The following CFAP20DC variants were observed in gnomAD, a reference collection of about 807,000 sequenced individuals.
The protein encoded by CFAP20DC is CFAP20 domain containing, also known as protein CFAP20DC.
CFAP20DC carries 84 observed loss-of-function variants against 101.7 expected under a neutral mutation model. The observed-to-expected ratio is 0.83, with a 90% CI of 0.69 to 0.99. The LOEUF is 0.99. CFAP20DC is among the 50% of genes least tolerant of loss of function. The probability of loss-of-function intolerance (pLI) is 0.00; values close to 1 mark genes in which losing one functional copy is unlikely to be tolerated. For missense variants in CFAP20DC, 1,007 were observed against 970.3 expected (o/e 1.04, Z -0.50); for synonymous variants, 359 against 351.2 (o/e 1.02, Z -0.25).
intron 15 of CFAP20DC, 82 bp downstream of exon 15, chr3:58,806,313 A>G: frequency 1.0e-6 from 1 of 964,772 alleles, no homozygotes; most frequent in East Asian, 2.5e-5. Flanking sequence ...TTTGGAAAAC[A>G]ATTTCAGAAA....
intron 14 of CFAP20DC, among the ~76,000 whole-genome samples, chr3:58,822,936 G>T (rs557234073): frequency 6.6e-6 from 1 of 152,204 alleles, no homozygotes; most frequent in Admixed American, 6.5e-5. Flanking sequence ...CCTGAAGAAA[G>T]GAACATCCTT....
At chr3:58,857,309 C>T (rs1487456455) in intron 12 of CFAP20DC, among the ~76,000 whole-genome samples, 18 of 152,110 alleles carry the variant, frequency 1.2e-4, no homozygotes, top group African/African-American at 4.3e-4. Flanking sequence ...ATTTTTCCAC[C>T]TGTGATGGGT....
intron 4 of CFAP20DC, among the ~76,000 whole-genome samples, 198 bp from the exon 5 acceptor site, chr3:58,937,960 AT>A (rs1484437854): frequency 6.6e-6 from 1 of 152,236 alleles, no homozygotes; most frequent in Non-Finnish European, 1.5e-5. Context: ...AGAAGCCTGA[AT>A]GTATAAATTC....
At chr3:58,752,864 T>C (rs190860065) in intron 16 of CFAP20DC, among the ~76,000 whole-genome samples, 2 of 152,318 alleles carry the variant, frequency 1.3e-5, no homozygotes, top group African/African-American at 4.8e-5. Flanking sequence ...CCTGGCACTT[T>C]TGTTGGAGCA....
intron 15 of CFAP20DC, among the ~76,000 whole-genome samples, chr3:58,790,612 A>G (rs1015665529): frequency 6.6e-6 from 1 of 152,178 alleles, no homozygotes; most frequent in Non-Finnish European, 1.5e-5. Context: ...CAGGAGAAAG[A>G]TGGTGATTTT....
intron 4 of CFAP20DC, among the ~76,000 whole-genome samples, chr3:59,008,421 C>T (rs1486262339): frequency 6.6e-6 from 1 of 152,184 alleles, no homozygotes; most frequent in East Asian, 1.9e-4. Context: ...CCTGCCTTCA[C>T]CACAACTGGT....
chr3:58,997,717 G>T (rs2093179025), intron 4 of CFAP20DC, among the ~76,000 whole-genome samples: 1 of 152,180 alleles, frequency 6.6e-6, no homozygotes, highest in African/African-American at 2.4e-5. Context: ...TTATTTTAAG[G>T]ACCTCTAAGC....
chr3:59,039,442 G>T, intron 4 of CFAP20DC, 115 bp downstream of exon 4: 1 of 626,036 alleles, frequency 1.6e-6, no homozygotes, highest in Non-Finnish European at 2.8e-6. Context: ...CTTGATGTAA[G>T]TCACTGCTCT....
rs2093437606 is a variant in CFAP20DC, at chr3:59,006,512, T to C, written c.278+33045A>G. ...TCCCAAAGTGTGAGGTGGGGAATCC[T>C]GCCTCTGAACACACATCCCCACTGG... On this transcript the variant is annotated intron_variant, in intron 4 of 16. Coordinates refer to ENST00000482387, the MANE Select transcript of CFAP20DC (RefSeq NM_001394063.1). This position sits in a 1 kb window ranked among gnomAD's most constrained non-coding sequence, Gnocchi z 4.3. Among the ~76,000 whole-genome samples, 1 of 152,252 alleles carries C rather than the reference T, an allele frequency of 6.6e-6. No homozygotes were observed. The highest frequency in any genetic ancestry group is 1.5e-5 in the Non-Finnish European group (1 of 68,048).
At chr3:58,749,676 A>T (rs1187348537) in intron 16 of CFAP20DC, among the ~76,000 whole-genome samples, 1 of 151,992 alleles carries the variant, frequency 6.6e-6, no homozygotes, top group Non-Finnish European at 1.5e-5. Context: ...ATCTATGTAA[A>T]CTACAAGACA....
At chr3:58,752,109 T>A (rs2068616389) in intron 16 of CFAP20DC, among the ~76,000 whole-genome samples, 1 of 152,176 alleles carries the variant, frequency 6.6e-6, no homozygotes, top group African/African-American at 2.4e-5. Context: ...GTATGGACTG[T>A]CTTATGCTGC....
intron 4 of CFAP20DC, among the ~76,000 whole-genome samples, chr3:58,963,248 A>G (rs2091299458): frequency 1.0e-5 from 1 of 100,458 alleles, no homozygotes; most frequent in Non-Finnish European, 2.2e-5. Flanking sequence ...GTGTTTTAAT[A>G]AATGCTTCCT....
At chr3:58,966,451 A>G (rs1173674527) in intron 4 of CFAP20DC, among the ~76,000 whole-genome samples, 2 of 151,380 alleles carry the variant, frequency 1.3e-5, no homozygotes, top group African/African-American at 4.9e-5. Context: ...AAACTACAAA[A>G]TATCATTGAA....
intron 15 of CFAP20DC, among the ~76,000 whole-genome samples, chr3:58,759,365 A>C (rs1186049673): frequency 1.3e-5 from 2 of 151,974 alleles, no homozygotes; most frequent in Admixed American, 1.3e-4. Context: ...CATATCCTTC[A>C]CCCACTTGTT....
chr3:58,894,363 G>A lies in CFAP20DC; in HGVS notation c.551-9654C>T, dbSNP rs1224043966. ...GTTAGTTACTTCCTAGATACAACAG[G>A]GGTACAGGTACCTATTCCAAATGAG... On this transcript the variant is annotated intron_variant, in intron 6 of 16. Transcript: ENST00000482387. This position sits in a 1 kb window ranked among gnomAD's most constrained non-coding sequence, Gnocchi z 4.1. 6.6e-6 allele frequency among the ~76,000 whole-genome samples: 1 copy of A among 152,108 alleles called. No individual in the cohort carries two copies. The highest frequency in any genetic ancestry group is 1.5e-5 in the Non-Finnish European group (1 of 68,030).
chr3:58,736,904 T>C (rs2107104759), intron 3 of CFAP20DC, among the ~76,000 whole-genome samples: 1 of 152,346 alleles, frequency 6.6e-6, no homozygotes, highest in Non-Finnish European at 1.5e-5. Context: ...CATTTAATTC[T>C]TATAAGTCAA....
At chr3:58,785,758 T>A (rs2072275640) in intron 15 of CFAP20DC, among the ~76,000 whole-genome samples, 1 of 152,028 alleles carries the variant, frequency 6.6e-6, no homozygotes, top group Non-Finnish European at 1.5e-5. Context: ...ACCTAAAAAT[T>A]GTTTTCGAGC....
intron 15 of CFAP20DC, among the ~76,000 whole-genome samples, chr3:58,804,875 T>C (rs1189117628): frequency 6.6e-6 from 1 of 152,224 alleles, no homozygotes; most frequent in East Asian, 1.9e-4. Flanking sequence ...TTAAACTCTT[T>C]AGTGTATCTA....
intron 12 of CFAP20DC, among the ~76,000 whole-genome samples, chr3:58,858,272 C>T (rs1213066476): frequency 1.3e-5 from 2 of 152,154 alleles, no homozygotes; most frequent in African/African-American, 4.8e-5. Flanking sequence ...AATATTCAGT[C>T]ACGCCCCAGT....
Sources: gnomAD v4.1 joint callset for allele counts (sites outside exome capture counted in the v4.1 genomes callset) on GRCh38, gnomAD v4.1.1 for gene constraint, Gnocchi (gnomAD v3.1) non-coding constraint, MANE v1.5 for transcripts, NCBI Gene and HGNC (gene_info 2026-07-23, HGNC 2026-07-21) for gene names.